The following NECAP1 variants were observed in gnomAD, a reference collection of about 807,000 sequenced individuals.
NECAP1 encodes the protein NECAP endocytosis associated 1, also known as adaptin ear-binding coat-associated protein 1.
Under a neutral mutation model 33.4 loss-of-function variants are expected in NECAP1, and 13 were observed. The ratio of observed to expected loss-of-function variants is 0.39; its 90% CI spans 0.25 to 0.62. The LOEUF (loss-of-function observed/expected upper bound fraction) is 0.62. NECAP1 is among the 20% of genes least tolerant of loss of function. The pLI, the probability that NECAP1 is intolerant of heterozygous loss-of-function variation, is 0.52. For missense variants in NECAP1, 272 were observed against 347.4 expected (o/e 0.78, Z 1.73); for synonymous variants, 109 against 125.2 (o/e 0.87, Z 0.86).
intron 1 of NECAP1, among the ~76,000 whole-genome samples, chr12:8,083,718 G>A (rs552476391): frequency 5.5e-5 from 8 of 144,616 alleles, no homozygotes; most frequent in Non-Finnish European, 1.2e-4. Context: ...GTGACACCAC[G>A]CCCAGCCGTC....
In NECAP1 at chr12:8,092,782, G is replaced by A. The variant is rs763141919; in HGVS notation, c.490G>A (p.Gly164Arg). 5 of 1,610,888 alleles carry A rather than the reference G, an allele frequency of 3.1e-6. No individual in the cohort carries two copies. The highest frequency in any genetic ancestry group is 2.2e-5 in the South Asian group (2 of 90,664). The change falls in exon 5 of 8, where the codon GGG becomes AGG. Residue 164 changes from glycine to arginine, a missense_variant and splice_region_variant. By Grantham distance (125) the Gly-to-Arg change is moderately radical. Coordinates refer to ENST00000339754, the MANE Select transcript of NECAP1 (RefSeq NM_015509.4). ...AGGACAAACCATCAAGTTGTGTATC[G>A]GGGTGAGTATGGTTTTTAAAAATTT... ...KEGQTIKLCI[G>R]NITNKKGGAS...
At chr12:8,094,606 A>G (rs1947579181) in intron 6 of NECAP1, 1 of 152,278 alleles carries the variant, frequency 6.6e-6, no homozygotes, top group African/African-American at 2.4e-5. Flanking sequence ...ATCTGGGACT[A>G]CAGGTGCACA....
intron 4 of NECAP1, 67 bp from the exon 5 acceptor site, chr12:8,092,609 C>A: frequency 8.3e-7 from 1 of 1,199,248 alleles, no homozygotes. Flanking sequence ...TAAATACACC[C>A]AAATTTGTAT....
Position 8,082,400 on chromosome 12 carries a change from G to A in NECAP1, c.95+17G>A. 1 of 1,609,196 alleles carries A rather than the reference G, an allele frequency of 6.2e-7. No homozygotes were observed. The highest frequency in any genetic ancestry group is 8.5e-7 in the Non-Finnish European group (1 of 1,176,376). Reference sequence around the variant, plus strand: ...CGGTTACAGGTACTAACCCCGAGGCGCTGCCGCACACGCGTACTCTGTCGC... The same window carrying A: ...CGGTTACAGGTACTAACCCCGAGGCACTGCCGCACACGCGTACTCTGTCGC... On this transcript the variant is annotated intron_variant, in intron 1 of 7. Coordinates refer to ENST00000339754, the MANE Select transcript of NECAP1 (RefSeq NM_015509.4).
chr12:8,088,111 A>C (rs1184979649), intron 1 of NECAP1, among the ~76,000 whole-genome samples: 1 of 152,224 alleles, frequency 6.6e-6, no homozygotes, highest in Non-Finnish European at 1.5e-5. Context: ...ATTCATCATA[A>C]ATAATCTTAG....
chr12:8,096,184 C>T lies in NECAP1; in HGVS notation c.*94C>T. On this transcript the variant is annotated 3_prime_UTR_variant, in exon 8 of 8. Coordinates refer to ENST00000339754, the MANE Select transcript of NECAP1 (RefSeq NM_015509.4). ...GGGAAGTTAGGAACCCATTTCCTCCCCAGAACCAGAATGACTGGACAATCT... is the reference window on the plus strand; with the variant it reads ...GGGAAGTTAGGAACCCATTTCCTCCTCAGAACCAGAATGACTGGACAATCT... 1 of 1,263,974 alleles carries T rather than the reference C, an allele frequency of 7.9e-7. No homozygotes were observed. Among genetic ancestry groups the T allele is most frequent in the Non-Finnish European group, 1.1e-6 (1 of 892,540 alleles). The allele number at this position is 1,263,974 out of a possible 1,614,324, so 78.3% of individuals were successfully genotyped here. A position where few individuals can be genotyped will look rare whatever the true frequency, so the allele number is the denominator to read the frequency against.
rs1176592831 is a variant in NECAP1, at chr12:8,092,504, G to A, written c.384-172G>A. ...TTCTCAGAGAGTCCCCAGTGGAATT[G>A]AACCCCAGTTGTTTTCTTTCTTGGC... On this transcript the variant is annotated intron_variant, in intron 4 of 7. Transcript: ENST00000339754. The A allele has an allele frequency of 4.2e-5, 24 of 568,850 alleles. No individual in the cohort carries two copies. In the East Asian group the frequency reaches 7.1e-4, roughly 17 times the overall value. The allele number at this position is 568,850 out of a possible 1,614,324, so 35.2% of individuals were successfully genotyped here. A position where few individuals can be genotyped will look rare whatever the true frequency, so the allele number is the denominator to read the frequency against.
chr12:8,093,829 A>G (rs971075130), intron 6 of NECAP1: 1 of 152,254 alleles, frequency 6.6e-6, no homozygotes, highest in Non-Finnish European at 1.5e-5. Flanking sequence ...AGCACCTAGC[A>G]TAGCACTTGG....
Position 8,092,672 on chromosome 12 carries a change from A to G in NECAP1, c.384-4A>G. 1 of 1,607,566 alleles carries G rather than the reference A, an allele frequency of 6.2e-7. No individual in the cohort carries two copies. Among genetic ancestry groups the G allele is most frequent in the Non-Finnish European group, 8.5e-7 (1 of 1,175,166 alleles). On this transcript the variant is annotated splice_region_variant and splice_polypyrimidine_tract_variant and intron_variant, in intron 4 of 7. Coordinates refer to ENST00000339754, the MANE Select transcript of NECAP1 (RefSeq NM_015509.4). ...AACTAAGATAACTTGCTGTGTTCCC[A>G]AAGGTGGGTAAAGCAGGAATCTGAG...
Position 8,096,253 on chromosome 12 carries a change from C to G in NECAP1, c.*163C>G. 1 of 685,550 alleles carries G rather than the reference C, an allele frequency of 1.5e-6. No homozygotes were observed. Among genetic ancestry groups the G allele is most frequent in the Non-Finnish European group, 2.4e-6 (1 of 409,726 alleles). 42.5% of individuals were successfully genotyped at this position (685,550 alleles called of 1,614,324 possible). A position where few individuals can be genotyped will look rare whatever the true frequency, so the allele number is the denominator to read the frequency against. On this transcript the variant is annotated 3_prime_UTR_variant, in exon 8 of 8. Coordinates refer to ENST00000339754, the MANE Select transcript of NECAP1 (RefSeq NM_015509.4). ...CACATTCAAGCTGGTTTATGTCACT[C>G]CCCTGTGTTGTTACTTGTACAGCCA...
intron 3 of NECAP1, 94 bp downstream of exon 3, chr12:8,090,393 G>T: frequency 1.8e-6 from 2 of 1,113,976 alleles, no homozygotes; most frequent in Middle Eastern, 2.4e-4. Flanking sequence ...ATCTTTCTTT[G>T]GTTTACTTCA....
chr12:8,088,558 T>C (rs1482834190), intron 1 of NECAP1, among the ~76,000 whole-genome samples: 1 of 152,216 alleles, frequency 6.6e-6, no homozygotes, highest in Admixed American at 6.5e-5. Context: ...AGTAGTCTCT[T>C]AGCTAATCCC....
chr12:8,082,728 T>A, intron 1 of NECAP1: 1 of 266,778 alleles, frequency 3.7e-6, no homozygotes, highest in African/African-American at 2.2e-5. Context: ...CGCTCTTCCC[T>A]GCGTCCTTCA....
chr12:8,093,142 G>A, intron 6 of NECAP1, 87 bp downstream of exon 6: 2 of 1,362,820 alleles, frequency 1.5e-6, no homozygotes, highest in Non-Finnish European at 2.1e-6. Context: ...TAATGTTTTT[G>A]CTATGAAATA....
intron 1 of NECAP1, among the ~76,000 whole-genome samples, chr12:8,083,131 T>C (rs1180479647): frequency 2.0e-5 from 3 of 152,180 alleles, no homozygotes; most frequent in Admixed American, 6.6e-5. Context: ...CTGTTGGGCC[T>C]AACTACCTAC....
At position 8,092,867 on chromosome 12, in the gene NECAP1, T is replaced by C; in HGVS notation, c.493-5T>C. ...TTCTCTTGCTCTTCTTTTTTTCTTT[T>C]GTAGAACATTACAAACAAGAAAGGA... is the stretch of plus-strand genomic sequence containing the variant. On this transcript the variant is annotated splice_region_variant and splice_polypyrimidine_tract_variant and intron_variant, in intron 5 of 7. Transcript: ENST00000339754. 3 of 1,576,242 alleles carry C rather than the reference T, an allele frequency of 1.9e-6. No individual in the cohort carries two copies. Among genetic ancestry groups the C allele is most frequent in the East Asian group, 2.3e-5 (1 of 44,340 alleles).
At chr12:8,091,455 G>A (rs766989122) in intron 3 of NECAP1, 1 of 340,168 alleles carries the variant, frequency 2.9e-6, no homozygotes. Context: ...GGTGATGGGA[G>A]ACAGTGACAG....
Position 8,093,602 on chromosome 12 carries a change from G to A in NECAP1, c.676+547G>A, listed in dbSNP as rs12307073. ...ACATTAGTTGGACGTGGTGGTGCACGCCTGTAGACCCAGCTATTTGGGAGG... is the reference window on the plus strand; with the variant it reads ...ACATTAGTTGGACGTGGTGGTGCACACCTGTAGACCCAGCTATTTGGGAGG... On this transcript the variant is annotated intron_variant, in intron 6 of 7. Transcript: ENST00000339754. 8.7e-3 allele frequency: 1,337 copies of A among 153,656 alleles called. 17 individuals are homozygous for A. Among genetic ancestry groups the A allele is most frequent in the African/African-American group, 0.031 (1,269 of 41,526 alleles). The allele number at this position is 153,656 out of a possible 1,614,324, so 9.5% of individuals were successfully genotyped here.
chr12:8,089,358 C>T (rs1456979377), intron 1 of NECAP1: 1 of 151,956 alleles, frequency 6.6e-6, no homozygotes, highest in Non-Finnish European at 1.5e-5. Flanking sequence ...AAAATAGCAT[C>T]GTTATGAGAA....
Sources: gnomAD v4.1 joint callset for allele counts (sites outside exome capture counted in the v4.1 genomes callset) on GRCh38, gnomAD v4.1.1 for gene constraint, MANE v1.5 for transcripts, NCBI Gene and HGNC (gene_info 2026-07-23, HGNC 2026-07-21) for gene names.